The following TNNI3K variants were observed in gnomAD, a reference collection of about 807,000 sequenced individuals.
The protein encoded by TNNI3K is TNNI3 interacting kinase, also known as serine/threonine-protein kinase TNNI3K.
Under a neutral mutation model 114.5 loss-of-function variants are expected in TNNI3K, and 140 were observed. The ratio of observed to expected loss-of-function variants is 1.22; its 90% CI spans 1.07 to 1.41. TNNI3K has a LOEUF of 1.41. Ranked by LOEUF, TNNI3K falls within the 40% of genes most tolerant of loss-of-function variation. The pLI is 0.00. For missense variants in TNNI3K, 1,125 were observed against 1,007.6 expected, an observed-to-expected ratio of 1.12 and a Z score of -1.58; for synonymous variants, 347 against 347.5, an observed-to-expected ratio of 1.00 and a Z score of 0.02.
At chr1:74,421,905 A>G (rs938579075) in intron 17 of TNNI3K, among the ~76,000 whole-genome samples, 2 of 151,762 alleles carry the variant, frequency 1.3e-5, no homozygotes, top group African/African-American at 4.8e-5. Flanking sequence ...TGAAAAACCA[A>G]GAGTCACATG....
intron 23 of TNNI3K, among the ~76,000 whole-genome samples, chr1:74,495,551 G>A (rs1165459101): frequency 6.6e-6 from 1 of 152,096 alleles, no homozygotes; most frequent in Admixed American, 6.6e-5. Flanking sequence ...TTAAATACCT[G>A]TCACTATTGA....
intron 17 of TNNI3K, among the ~76,000 whole-genome samples, chr1:74,383,280 G>A (rs1388801728): frequency 1.3e-5 from 2 of 151,822 alleles, no homozygotes; most frequent in East Asian, 3.9e-4. Flanking sequence ...AGCACTGTAA[G>A]TGCTAGAGAG....
At chr1:74,456,672 C>T (rs1667238509) in intron 20 of TNNI3K, among the ~76,000 whole-genome samples, 1 of 152,060 alleles carries the variant, frequency 6.6e-6, no homozygotes, top group Non-Finnish European at 1.5e-5. Context: ...TTTTGTTTTC[C>T]TGTGTGACGC....
chr1:74,471,271 G>A, intron 21 of TNNI3K: 1 of 400,706 alleles, frequency 2.5e-6, no homozygotes, highest in Non-Finnish European at 4.4e-6. Flanking sequence ...CAGCCTCTTT[G>A]AAGTGAGTCT....
chr1:74,492,283 G>A lies in TNNI3K; in HGVS notation c.2351+17G>A, dbSNP rs1570695564. ...GTCCCAAAGGTGAGTGGTAATATAAGCAAATCTCACAGTAAAGTCTTATTT... is the reference window on the plus strand; with the variant it reads ...GTCCCAAAGGTGAGTGGTAATATAAACAAATCTCACAGTAAAGTCTTATTT... On this transcript the variant is annotated intron_variant, in intron 23 of 24. Coordinates refer to ENST00000326637, the MANE Select transcript of TNNI3K (RefSeq NM_015978.3). 2.0e-6 allele frequency: 3 copies of A among 1,477,560 alleles called. No homozygotes were observed. Among genetic ancestry groups the A allele is most frequent in the Non-Finnish European group, 2.7e-6 (3 of 1,095,986 alleles). 91.5% of individuals were successfully genotyped at this position (1,477,560 alleles called of 1,614,324 possible).
intron 23 of TNNI3K, among the ~76,000 whole-genome samples, chr1:74,496,936 C>T (rs1669356469): frequency 6.6e-6 from 1 of 152,062 alleles, no homozygotes; most frequent in Non-Finnish European, 1.5e-5. Context: ...TGGGGCTGGG[C>T]TCTAAGAATA....
In TNNI3K at chr1:74,343,125, C is replaced by G. The variant is rs770585050; in HGVS notation, c.878C>G (p.Ser293Ter). The part of the protein sequence containing the change: ...FEVAKEIIQI[S>*]GTESLTKENI... Reference sequence around the variant, plus strand: ...GTTGCCAAGGAAATCATCCAAATATCAGGAACAGAAAGTCTGACTAAGGAA... The same window carrying G: ...GTTGCCAAGGAAATCATCCAAATATGAGGAACAGAAAGTCTGACTAAGGAA... The change falls in exon 9 of 25, where the codon TCA becomes TGA. Residue 293 changes from serine to a stop codon, truncating the protein, a stop_gained. Transcript: ENST00000326637. LOFTEE classifies it high-confidence loss of function. 1.9e-5 allele frequency: 30 copies of G among 1,613,274 alleles called. No individual in the cohort carries two copies. Among genetic ancestry groups the G allele is most frequent in the Non-Finnish European group, 2.5e-5 (30 of 1,179,802 alleles).
chr1:74,456,393 G>A (rs984221737), intron 20 of TNNI3K, among the ~76,000 whole-genome samples: 4 of 152,102 alleles, frequency 2.6e-5, no homozygotes, highest in African/African-American at 9.7e-5. Context: ...AACCAGGCAA[G>A]ATGAAAAATA....
At chr1:74,388,873 T>C (rs1026802417) in intron 17 of TNNI3K, among the ~76,000 whole-genome samples, 11 of 152,174 alleles carry the variant, frequency 7.2e-5, no homozygotes, top group Non-Finnish European at 1.3e-4. Flanking sequence ...AATTAGGCAA[T>C]AAGTAGCTGG....
intron 23 of TNNI3K, among the ~76,000 whole-genome samples, chr1:74,506,904 T>G (rs1669933323): frequency 6.6e-6 from 1 of 152,228 alleles, no homozygotes; most frequent in Admixed American, 6.5e-5. Flanking sequence ...TTATCTATCT[T>G]AATTCATTTA....
chr1:74,388,064 G>A (rs979847057), intron 17 of TNNI3K, among the ~76,000 whole-genome samples: 2 of 152,136 alleles, frequency 1.3e-5, no homozygotes, highest in African/African-American at 4.8e-5. Flanking sequence ...TAGATCACAT[G>A]GTCAGGAGTT....
intron 6 of TNNI3K, among the ~76,000 whole-genome samples, chr1:74,332,210 C>T (rs898707895): frequency 2.0e-5 from 3 of 151,892 alleles, no homozygotes; most frequent in African/African-American, 7.3e-5. Context: ...TGCCACATGA[C>T]TGAGCTTATA....
At position 74,250,764 on chromosome 1, in the gene TNNI3K, T is replaced by G; in HGVS notation, c.328T>G (p.Tyr110Asp). The change falls in exon 4 of 25, where the codon TAC becomes GAC. Residue 110 changes from tyrosine to aspartate, a missense_variant. By Grantham distance (160) the Tyr-to-Asp change is radical. Transcript: ENST00000326637. Reference protein sequence around the residue: ...NGFTALHLAVYKDNAELITSL... With the variant: ...NGFTALHLAVDKDNAELITSL... Reference sequence around the variant, plus strand: ...ATTTACAGCCTTGCATTTAGCAGTTTACAAGGTAGGACACTTTAATTCCCA... The same window carrying G: ...ATTTACAGCCTTGCATTTAGCAGTTGACAAGGTAGGACACTTTAATTCCCA... The G allele has an allele frequency of 6.2e-7, 1 of 1,610,812 alleles. No individual in the cohort carries two copies. The highest frequency in any genetic ancestry group is 8.5e-7 in the Non-Finnish European group (1 of 1,178,660).
chr1:74,340,480 C>T (rs1407754336), intron 7 of TNNI3K, among the ~76,000 whole-genome samples: 2 of 152,190 alleles, frequency 1.3e-5, no homozygotes, highest in East Asian at 1.9e-4. Context: ...CAAAAACAGA[C>T]ATGTATACGC....
intron 17 of TNNI3K, among the ~76,000 whole-genome samples, chr1:74,403,047 G>A (rs1356739071): frequency 6.6e-6 from 1 of 151,806 alleles, no homozygotes; most frequent in Admixed American, 6.6e-5. Flanking sequence ...AACTATTTCT[G>A]TAATAAGAAT....
intron 23 of TNNI3K, among the ~76,000 whole-genome samples, chr1:74,494,626 G>A (rs1669238804): frequency 6.6e-6 from 1 of 152,274 alleles, no homozygotes; most frequent in East Asian, 1.9e-4. Flanking sequence ...TATTTCTAAA[G>A]CACAGTCACC....
intron 11 of TNNI3K, among the ~76,000 whole-genome samples, chr1:74,365,789 G>GC (rs1662237698): frequency 6.6e-6 from 1 of 151,990 alleles, no homozygotes; most frequent in Non-Finnish European, 1.5e-5. Context: ...CAATGGGACT[G>GC]CCCCCCACGT....
At chr1:74,540,361 A>G in intron 24 of TNNI3K, 48 bp downstream of exon 24, 1 of 1,569,030 alleles carries the variant, frequency 6.4e-7, no homozygotes. Flanking sequence ...ACCCCTAGGA[A>G]GGTGATGTCT....
rs558305744 is a variant in TNNI3K, at chr1:74,278,016, G to T, written c.444+6308G>T. Among the ~76,000 whole-genome samples the T allele has an allele frequency of 2.0e-5, 3 of 152,288 alleles. No homozygotes were observed. In the East Asian group the frequency reaches 5.8e-4, roughly 29 times the overall value. ...TAAATCATCCAAATGTTTCAGTAGA[G>T]AATTTTGTTTACCAAGAAGCCTCGG... On this transcript the variant is annotated intron_variant, in intron 5 of 24. Transcript: ENST00000326637.
Sources: gnomAD v4.1 joint callset for allele counts (sites outside exome capture counted in the v4.1 genomes callset) on GRCh38, gnomAD v4.1.1 for gene constraint, MANE v1.5 for transcripts, NCBI Gene and HGNC (gene_info 2026-07-23, HGNC 2026-07-21) for gene names.